Variants in SGCD observed in about 807,000 individuals in gnomAD.
SGCD encodes the protein delta-sarcoglycan.
Under a neutral mutation model 36.6 loss-of-function variants are expected in SGCD, and 18 were observed. That is an observed-to-expected ratio of 0.49 (90% CI 0.34 to 0.73). The LOEUF (loss-of-function observed/expected upper bound fraction) is 0.73, where lower values mean the gene tolerates loss of function less well. SGCD is among the 30% of genes least tolerant of loss of function. The probability of loss-of-function intolerance (pLI) is 0.01; values close to 1 mark genes in which losing one functional copy is unlikely to be tolerated. For synonymous variants in SGCD, 133 were observed against 130.6 expected (o/e 1.02, Z -0.12); for missense variants, 387 against 346.7 (o/e 1.12, Z -0.92).
chr5:155,900,509 G>T lies in SGCD; in HGVS notation c.-282+30085G>T, dbSNP rs141209501. Among the ~76,000 whole-genome samples, 354 of 151,566 alleles carry T rather than the reference G, an allele frequency of 2.3e-3. 4 individuals are homozygous for T. Among genetic ancestry groups the T allele is most frequent in the African/African-American group, 8.2e-3 (339 of 41,220 alleles). On this transcript the variant is annotated intron_variant, in intron 1 of 9. Transcript: ENST00000517913. ...TACATATGTATACATGTGCCATGCTGGTGCGCTGCACCCACTAACTCGTCA... is the reference window on the plus strand; with the variant it reads ...TACATATGTATACATGTGCCATGCTTGTGCGCTGCACCCACTAACTCGTCA...
chr5:156,458,545 C>T (rs2127814422), intron 3 of SGCD: 4 of 1,319,314 alleles, frequency 3.0e-6, no homozygotes, highest in Non-Finnish European at 4.4e-6. Flanking sequence ...GTGATTCTTT[C>T]CCTCAAACCG....
intron 1 of SGCD, among the ~76,000 whole-genome samples, chr5:156,021,626 C>A: frequency 6.6e-6 from 1 of 152,112 alleles, no homozygotes; most frequent in Non-Finnish European, 1.5e-5. Flanking sequence ...ATGAAAGCTG[C>A]AATGTGATGT....
intron 3 of SGCD, among the ~76,000 whole-genome samples, chr5:156,466,794 A>G (rs535291494): frequency 2.0e-4 from 31 of 152,314 alleles, no homozygotes; most frequent in African/African-American, 6.7e-4. Flanking sequence ...AATTATACCA[A>G]AAAAAGAACT....
the SGCD span, among the ~76,000 whole-genome samples, chr5:155,763,238 A>T: frequency 6.6e-6 from 1 of 152,210 alleles, no homozygotes; most frequent in Non-Finnish European, 1.5e-5. Flanking sequence ...ATGAAATCTG[A>T]TGTGTTAGAA....
chr5:155,744,453 C>T, the SGCD span, among the ~76,000 whole-genome samples: 2 of 151,474 alleles, frequency 1.3e-5, no homozygotes, highest in East Asian at 3.9e-4. Context: ...GAGCAAGACT[C>T]CAACTCAAAT....
chr5:155,870,953 T>G (rs978416093), intron 1 of SGCD, among the ~76,000 whole-genome samples: 1 of 152,146 alleles, frequency 6.6e-6, no homozygotes, highest in Admixed American at 6.5e-5. Context: ...TTACTCAAGA[T>G]GAAAATCTTT....
At chr5:156,309,713 C>G (rs932917503) in intron 3 of SGCD, among the ~76,000 whole-genome samples, 1 of 151,108 alleles carries the variant, frequency 6.6e-6, no homozygotes, top group African/African-American at 2.4e-5. Context: ...GTCTTGAACT[C>G]CTGACCTCAT....
chr5:156,726,051 G>A (rs1318676258), intron 7 of SGCD, among the ~76,000 whole-genome samples: 1 of 152,074 alleles, frequency 6.6e-6, no homozygotes, highest in African/African-American at 2.4e-5. Context: ...CTTCTCAATT[G>A]TATTTATGTC....
chr5:156,226,904 A>C (rs1581179874), intron 3 of SGCD, among the ~76,000 whole-genome samples: 1 of 152,072 alleles, frequency 6.6e-6, no homozygotes, highest in East Asian at 1.9e-4. Flanking sequence ...TGTTTTGAGA[A>C]GTGTCTATTC....
At chr5:156,334,609 C>CTTTTTTTTTTTTTTTTTTTTTTT (rs35767339) in intron 2 of SGCD, among the ~76,000 whole-genome samples, 4 of 105,066 alleles carry the variant, frequency 3.8e-5, no homozygotes, top group South Asian at 3.3e-4. Flanking sequence ...GGTCTATTTT[C>CTTTTTTTTTTTTTTTTTTTTTTT]TTTTTTTTTT....
intron 3 of SGCD, among the ~76,000 whole-genome samples, chr5:156,193,630 G>A (rs1407081794): frequency 6.6e-6 from 1 of 152,138 alleles, no homozygotes; most frequent in African/African-American, 2.4e-5. Flanking sequence ...TCCACGTCTT[G>A]TTACAGGATT....
intron 1 of SGCD, among the ~76,000 whole-genome samples, chr5:156,070,211 T>C (rs1760500442): frequency 6.6e-6 from 1 of 151,302 alleles, no homozygotes; most frequent in South Asian, 2.1e-4. Flanking sequence ...CTTGTGCCAG[T>C]TTTCAAAGGG....
chr5:155,915,737 C>G (rs1215028539), intron 1 of SGCD, among the ~76,000 whole-genome samples: 3 of 152,154 alleles, frequency 2.0e-5, no homozygotes, highest in Non-Finnish European at 1.5e-5. Context: ...AGTTCAAAAC[C>G]TAAATTATTT....
intron 3 of SGCD, among the ~76,000 whole-genome samples, chr5:156,237,951 A>ATT (rs368855099): frequency 3.5e-5 from 5 of 143,464 alleles, no homozygotes; most frequent in East Asian, 4.2e-4. Flanking sequence ...GGATAAGATG[A>ATT]TTTTTTTTTT....
rs184492357 is a variant in SGCD at position 155,905,810 on chromosome 5, G to A, written c.-282+35386G>A. ...GCTTTTTCCTCATTTTTCTCTTGCT[G>A]CCACCATGTAAGAAGTACCTTTCAC... On this transcript the variant is annotated intron_variant, in intron 1 of 9. Transcript: ENST00000517913. Among the ~76,000 whole-genome samples the A allele has an allele frequency of 1.6e-4, 24 of 152,054 alleles. No individual in the cohort carries two copies. The East Asian group carries it at 2.7e-3, about 17-fold the overall frequency.
chr5:156,029,050 A>G (rs553065357), intron 1 of SGCD, among the ~76,000 whole-genome samples: 1 of 152,080 alleles, frequency 6.6e-6, no homozygotes, highest in South Asian at 2.1e-4. Flanking sequence ...TTAGAGTGCA[A>G]TTAGAGAATT....
chr5:155,957,348 A>G (rs544715705), intron 1 of SGCD, among the ~76,000 whole-genome samples: 1 of 152,156 alleles, frequency 6.6e-6, no homozygotes, highest in African/African-American at 2.4e-5. Flanking sequence ...TGCCCCCACC[A>G]AGGTCACACT....
rs146272335 is a variant in SGCD at position 156,054,565 on chromosome 5, G to A, written c.-281-63313G>A. ...CTCCCAAAGTGATGGGATTACAGGCGTGAGCCACCGCGCCCGGCCCCTAAA... is the reference window on the plus strand; with the variant it reads ...CTCCCAAAGTGATGGGATTACAGGCATGAGCCACCGCGCCCGGCCCCTAAA... On this transcript the variant is annotated intron_variant, in intron 1 of 9. Coordinates refer to the SGCD transcript ENST00000517913. 2.5e-3 allele frequency among the ~76,000 whole-genome samples: 372 copies of A among 146,672 alleles called. 23 individuals carry two copies. Among genetic ancestry groups the A allele is most frequent in the African/African-American group, 8.9e-3 (363 of 40,836 alleles).
intron 1 of SGCD, among the ~76,000 whole-genome samples, chr5:156,072,032 G>T (rs144731242): frequency 6.6e-6 from 1 of 152,028 alleles, no homozygotes. Flanking sequence ...GTCTCTGCAC[G>T]TGAGATGGGT....
Sources: allele counts gnomAD v4.1 joint callset (sites outside exome capture counted in the v4.1 genomes callset), GRCh38; gene constraint gnomAD v4.1.1; transcripts MANE v1.5; gene names NCBI Gene and HGNC (gene_info 2026-07-23, HGNC 2026-07-21).